Variants in DLGAP1 observed in about 807,000 individuals in gnomAD.
DLGAP1 encodes the protein disks large-associated protein 1.
In DLGAP1, 11 loss-of-function variants were observed where a neutral mutation model predicts 90.8. The ratio of observed to expected loss-of-function variants is 0.12; its 90% confidence interval spans 0.08 to 0.20. The LOEUF is 0.20. DLGAP1 is among the 10% of genes least tolerant of loss of function. The pLI, the probability that DLGAP1 is intolerant of heterozygous loss-of-function variation, is 1.00. For synonymous variants in DLGAP1, 558 were observed against 540.7 expected, an observed-to-expected ratio of 1.03 and a Z score of -0.44; for missense variants, 1,050 against 1,333.8, an observed-to-expected ratio of 0.79 and a Z score of 3.31.
chr18:3,770,778 A>T (rs2064494138), intron 5 of DLGAP1: 1 of 152,222 alleles, frequency 6.6e-6, no homozygotes, highest in South Asian at 2.1e-4. Context: ...TTATCACCAG[A>T]ATCACATAGT....
At position 3,625,701 on chromosome 18, in the gene DLGAP1, A is replaced by G. The variant is rs569671807; in HGVS notation, c.1592-43453T>C. On this transcript the variant is annotated intron_variant, in intron 7 of 12. Coordinates refer to ENST00000315677, the MANE Select transcript of DLGAP1 (RefSeq NM_004746.4). ...GCTTATTTTTCTTAGAGATTAGTAC[A>G]TCATGTTAGTTCAGAAAGCATTTGT... Among the ~76,000 whole-genome samples the G allele has an allele frequency of 7.2e-5, 11 of 152,018 alleles. No homozygotes were observed. The South Asian group carries it at 2.3e-3, about 32-fold the overall frequency.
chr18:3,741,363 C>A (rs984037183), intron 6 of DLGAP1, among the ~76,000 whole-genome samples: 1 of 150,176 alleles, frequency 6.7e-6, no homozygotes, highest in Non-Finnish European at 1.5e-5. Context: ...ACCACATCAC[C>A]ATCACCACCA....
At chr18:3,841,542 G>A (rs1378657100) in intron 4 of DLGAP1, among the ~76,000 whole-genome samples, 4 of 152,244 alleles carry the variant, frequency 2.6e-5, no homozygotes, top group South Asian at 2.1e-4. Context: ...AGTAAATCAC[G>A]TGGAAAATAG....
chr18:3,949,630 G>A (rs1310186597), intron 3 of DLGAP1, among the ~76,000 whole-genome samples: 5 of 152,152 alleles, frequency 3.3e-5, no homozygotes, highest in African/African-American at 9.7e-5. Flanking sequence ...GCGCCTCTTT[G>A]TCGATGCAGG....
chr18:4,433,914 T>C (rs281000), intron 1 of DLGAP1, among the ~76,000 whole-genome samples: 128,438 of 152,022 alleles, frequency 0.84, 54,464 homozygotes, highest in East Asian at 0.97. Context: ...GTTTATGTGC[T>C]GAAGCTCCTC....
At chr18:4,339,176 C>T (rs906656695) in intron 1 of DLGAP1, among the ~76,000 whole-genome samples, 6 of 152,316 alleles carry the variant, frequency 3.9e-5, no homozygotes, top group African/African-American at 9.6e-5. Context: ...ACCAAGTTTT[C>T]ATCTATATGT....
At chr18:4,352,741 T>C (rs1033989737) in intron 1 of DLGAP1, among the ~76,000 whole-genome samples, 1 of 152,144 alleles carries the variant, frequency 6.6e-6, no homozygotes, top group African/African-American at 2.4e-5. Context: ...TCTTGCCTTA[T>C]GCCCTTAAAA....
intron 2 of DLGAP1, among the ~76,000 whole-genome samples, chr18:4,008,865 C>G (rs192944546): frequency 8.5e-5 from 13 of 152,298 alleles, no homozygotes; most frequent in East Asian, 1.9e-4. Context: ...GCTGATGAAG[C>G]CTTGCTACAG....
intron 3 of DLGAP1, among the ~76,000 whole-genome samples, chr18:3,966,843 A>G (rs2073342775): frequency 6.6e-6 from 1 of 152,158 alleles, no homozygotes; most frequent in Non-Finnish European, 1.5e-5. Context: ...ACAGATTTGG[A>G]TGACATCAGC....
chr18:3,961,333 A>G (rs759535593), intron 3 of DLGAP1, among the ~76,000 whole-genome samples: 2 of 151,976 alleles, frequency 1.3e-5, no homozygotes, highest in Non-Finnish European at 2.9e-5. Flanking sequence ...TCCTCCTCCA[A>G]TTGCTATGTC....
At chr18:4,158,283 T>C (rs1187784596) in intron 1 of DLGAP1, among the ~76,000 whole-genome samples, 1 of 152,168 alleles carries the variant, frequency 6.6e-6, no homozygotes, top group African/African-American at 2.4e-5. Flanking sequence ...TTTTGTTTTT[T>C]ATTTACTTGG....
chr18:3,670,755 T>G (rs2060059677), intron 7 of DLGAP1, among the ~76,000 whole-genome samples: 1 of 152,244 alleles, frequency 6.6e-6, no homozygotes. Context: ...CTGCTTGTAT[T>G]AACCATATCC....
chr18:3,974,894 TA>T (rs77364317), intron 3 of DLGAP1, among the ~76,000 whole-genome samples: 44,799 of 149,564 alleles, frequency 0.3, 7,081 homozygotes, highest in Non-Finnish European at 0.34. Flanking sequence ...CTTGAGGACA[TA>T]AAAAAAAAAT....
intron 1 of DLGAP1, among the ~76,000 whole-genome samples, chr18:4,188,503 T>C (rs1450824636): frequency 1.3e-5 from 2 of 152,078 alleles, no homozygotes; most frequent in Non-Finnish European, 2.9e-5. Context: ...GTGTGTTGTT[T>C]CCCTCTCTGT....
At chr18:4,344,097 T>C (rs2081258341) in intron 1 of DLGAP1, among the ~76,000 whole-genome samples, 2 of 152,204 alleles carry the variant, frequency 1.3e-5, no homozygotes, top group South Asian at 4.1e-4. Context: ...AATTCCACAA[T>C]TTAAAGACAG....
Position 3,880,021 on chromosome 18 carries a change from G to A in DLGAP1, c.48C>T (p.Cys16=), listed in dbSNP as rs748505544. 6 of 1,608,004 alleles carry A rather than the reference G, an allele frequency of 3.7e-6. No homozygotes were observed. The highest frequency in any genetic ancestry group is 4.5e-5 in the East Asian group (2 of 44,862). ...GCGACAGCGAGTCACAGGCCGAGTC[G>A]CAGGTGACCCCGTGGTGATGGCTGC... The part of the protein sequence containing the change: ...GSRSHHHGVT[C]DSACDSLSHH... Residue 16 remains cysteine, a synonymous_variant, in exon 4 of 13, where the codon TGC becomes TGT. Transcript: ENST00000315677.
chr18:3,617,978 T>A (rs1452626504), intron 7 of DLGAP1, among the ~76,000 whole-genome samples: 4 of 151,868 alleles, frequency 2.6e-5, no homozygotes, highest in African/African-American at 9.7e-5. Context: ...CGGAGGTTGC[T>A]GTGAGCCAAG....
chr18:4,216,300 C>T (rs1344336178), intron 1 of DLGAP1, among the ~76,000 whole-genome samples: 2 of 151,930 alleles, frequency 1.3e-5, no homozygotes, highest in African/African-American at 2.4e-5. Context: ...TACCCCCCCC[C>T]CACCAGGTCC....
chr18:4,010,362 T>C (rs1054107292), intron 2 of DLGAP1, among the ~76,000 whole-genome samples: 1 of 152,032 alleles, frequency 6.6e-6, no homozygotes, highest in Non-Finnish European at 1.5e-5. Flanking sequence ...CTGAACAACA[T>C]GGGAAGACTC....
Sources: allele counts gnomAD v4.1 joint callset (sites outside exome capture counted in the v4.1 genomes callset), GRCh38; gene constraint gnomAD v4.1.1; transcripts MANE v1.5; gene names NCBI Gene and HGNC (gene_info 2026-07-23, HGNC 2026-07-21).